INO80D: variants seen among roughly 807,000 people sequenced by gnomAD.
The protein encoded by INO80D is INO80 complex subunit D.
Under a neutral mutation model 87.6 loss-of-function variants are expected in INO80D, and 21 were observed. The ratio of observed to expected loss-of-function variants is 0.24; its 90% CI spans 0.17 to 0.35. The LOEUF is 0.35. Among genes scored for constraint, INO80D ranks in the 10% least tolerant of loss-of-function variants. INO80D has a pLI of 1.00. For synonymous variants in INO80D, 440 were observed against 491.0 expected (o/e 0.90, Z 1.37); for missense variants, 982 against 1,280.7 (o/e 0.77, Z 3.56).
intron 9 of INO80D, chr2:206,007,830 A>G (rs1445468306): frequency 8.9e-6 from 1 of 111,980 alleles, no homozygotes; most frequent in African/African-American, 3.1e-5. Flanking sequence ...TCAAAAAAAA[A>G]AACAACCAAA....
chr2:206,005,810 T>C (rs536225939), intron 10 of INO80D, among the ~76,000 whole-genome samples: 92 of 152,320 alleles, frequency 6.0e-4, no homozygotes, highest in African/African-American at 2.1e-3. Context: ...TTCTTAGGAA[T>C]TCTAAGGATT....
In INO80D at chr2:206,004,604, G is replaced by A; in HGVS notation, c.2848C>T (p.Gln950Ter). 1.2e-6 allele frequency: 2 copies of A among 1,612,704 alleles called. No individual in the cohort carries two copies. Among genetic ancestry groups the A allele is most frequent in the Non-Finnish European group, 1.7e-6 (2 of 1,179,338 alleles). The change falls in exon 11 of 11, where the codon CAG becomes TAG. Residue 950 changes from glutamine to a stop codon, truncating the protein, a stop_gained. Transcript: ENST00000403263. LOFTEE classifies it high-confidence loss of function. This position sits in a 1 kb window ranked among gnomAD's most constrained non-coding sequence, Gnocchi z 4.9. ...SSSSVLPGLP[Q>*]TSFSGMGPSA... Reference sequence around the variant, plus strand: ...GGCCCCATGCCACTGAAGCTGGTCTGTGGTAACCCCGGAAGCACACTGGAG... The same window carrying A: ...GGCCCCATGCCACTGAAGCTGGTCTATGGTAACCCCGGAAGCACACTGGAG...
At chr2:206,050,403 A>G (rs1473250524) in intron 4 of INO80D, among the ~76,000 whole-genome samples, 1 of 150,222 alleles carries the variant, frequency 6.7e-6, no homozygotes, top group Admixed American at 6.7e-5. Context: ...GAGGCAGGAG[A>G]ATCGCTTGAA....
chr2:206,016,126 G>T (rs187618339), intron 8 of INO80D, among the ~76,000 whole-genome samples: 1 of 152,246 alleles, frequency 6.6e-6, no homozygotes, highest in Admixed American at 6.5e-5. Flanking sequence ...AAAAGCAGCA[G>T]ATACTCAATG....
intron 4 of INO80D, 101 bp from the exon 5 acceptor site, chr2:206,046,713 G>C (rs191489435): frequency 2.9e-6 from 2 of 695,924 alleles, no homozygotes; most frequent in East Asian, 2.7e-5. Context: ...CATACCTATT[G>C]CAAGTACTAT....
intron 6 of INO80D, among the ~76,000 whole-genome samples, chr2:206,022,760 C>G (rs971317737): frequency 6.6e-6 from 1 of 152,154 alleles, no homozygotes; most frequent in Non-Finnish European, 1.5e-5. Flanking sequence ...GTCACCCAGG[C>G]TGGAGTGCAA....
chr2:206,022,140 C>T (rs990090352), intron 6 of INO80D, among the ~76,000 whole-genome samples: 5 of 151,282 alleles, frequency 3.3e-5, no homozygotes, highest in East Asian at 3.9e-4. Flanking sequence ...CTGAGGCAGG[C>T]GGATCACAAG....
At chr2:206,040,949 T>A (rs943874028) in intron 5 of INO80D, 1 of 153,840 alleles carries the variant, frequency 6.5e-6, no homozygotes. Flanking sequence ...GCAGACACTG[T>A]CAGAGTAGAT....
At position 206,016,709 on chromosome 2, in the gene INO80D, C is replaced by T. The variant is rs146981741; in HGVS notation, c.1542+971G>A. Reference sequence around the variant, plus strand: ...GTTGTGGGAGGGACCTGGTGGGAGACGACTGAATTATGGGGCAGGTCTTTC... The same window carrying T: ...GTTGTGGGAGGGACCTGGTGGGAGATGACTGAATTATGGGGCAGGTCTTTC... On this transcript the variant is annotated intron_variant, in intron 8 of 10. Transcript: ENST00000403263. Among the ~76,000 whole-genome samples the T allele has an allele frequency of 8.7e-4, 133 of 152,224 alleles. 1 individual carries two copies. Among genetic ancestry groups the T allele is most frequent in the Middle Eastern group, 3.4e-3 (1 of 294 alleles).
At chr2:206,015,113 T>C (rs1389362447) in intron 8 of INO80D, among the ~76,000 whole-genome samples, 1 of 152,176 alleles carries the variant, frequency 6.6e-6, no homozygotes, top group East Asian at 1.9e-4. Context: ...TGGGTGCTAT[T>C]AGAAGCATTC....
chr2:206,058,373 G>A (rs1393600785), intron 3 of INO80D, among the ~76,000 whole-genome samples: 2 of 149,014 alleles, frequency 1.3e-5, no homozygotes, highest in Admixed American at 1.3e-4. Context: ...GAGCCGAGAT[G>A]GTGCCACTGC....
intron 6 of INO80D, 143 bp from the exon 7 acceptor site, chr2:206,019,988 AT>A (rs1688417470): frequency 1.9e-6 from 1 of 537,780 alleles, no homozygotes; most frequent in Non-Finnish European, 3.3e-6. Context: ...TGCAAATGTG[AT>A]TTAAAGAAAG....
intron 5 of INO80D, among the ~76,000 whole-genome samples, chr2:206,040,198 C>T (rs1183373584): frequency 6.8e-6 from 1 of 146,364 alleles, no homozygotes; most frequent in Non-Finnish European, 1.5e-5. Context: ...GAAACTGACA[C>T]AGGAGAATTG....
chr2:206,011,579 A>G (rs573754481), intron 8 of INO80D, among the ~76,000 whole-genome samples: 36 of 152,254 alleles, frequency 2.4e-4, no homozygotes, highest in Non-Finnish European at 4.1e-4. Context: ...AAGGCAATGC[A>G]CTCACCATCT....
chr2:206,039,597 G>A (rs1688983469), intron 5 of INO80D, among the ~76,000 whole-genome samples: 2 of 151,450 alleles, frequency 1.3e-5, no homozygotes, highest in Non-Finnish European at 2.9e-5. Context: ...GATCACCTGA[G>A]GTTGGGAGTT....
chr2:205,995,579 A>G lies in INO80D; in HGVS notation c.*8789T>C, dbSNP rs1173783272. ...TATATACATATATATCTGGAGAGCAATATTTCATTGCCTTTGAATATCTAT... is the reference window on the plus strand; with the variant it reads ...TATATACATATATATCTGGAGAGCAGTATTTCATTGCCTTTGAATATCTAT... On this transcript the variant is annotated 3_prime_UTR_variant, in exon 11 of 11. Coordinates refer to ENST00000403263, the MANE Select transcript of INO80D (RefSeq NM_017759.5). 2 of 152,188 alleles carry G rather than the reference A, an allele frequency of 1.3e-5. No homozygotes were observed. The highest frequency in any genetic ancestry group is 2.9e-5 in the Non-Finnish European group (2 of 68,008). The allele number at this position is 152,188 out of a possible 1,614,324, so 9.4% of individuals were successfully genotyped here.
At chr2:206,074,502 A>G (rs778608017) in intron 1 of INO80D, among the ~76,000 whole-genome samples, 9 of 152,120 alleles carry the variant, frequency 5.9e-5, no homozygotes, top group Non-Finnish European at 1.2e-4. Flanking sequence ...AATCCTAGCT[A>G]CTCAGGAGGC....
At chr2:206,021,484 G>A (rs1386992090) in intron 6 of INO80D, among the ~76,000 whole-genome samples, 2 of 152,056 alleles carry the variant, frequency 1.3e-5, no homozygotes, top group African/African-American at 4.8e-5. Flanking sequence ...TTAAAAAATT[G>A]TTTACATTAA....
intron 3 of INO80D, among the ~76,000 whole-genome samples, chr2:206,061,422 C>T (rs747778682): frequency 5.3e-5 from 8 of 152,174 alleles, no homozygotes; most frequent in Non-Finnish European, 1.2e-4. Flanking sequence ...AATGTGTTTA[C>T]GATGGGGCTT....
Sources: allele counts gnomAD v4.1 joint callset (sites outside exome capture counted in the v4.1 genomes callset), GRCh38; gene constraint gnomAD v4.1.1; non-coding constraint Gnocchi (gnomAD v3.1); transcripts MANE v1.5; gene names NCBI Gene and HGNC (gene_info 2026-07-23, HGNC 2026-07-21).